NELL1: variants seen among roughly 807,000 people sequenced by gnomAD.
NELL1 encodes the protein neural EGFL like 1, also known as protein kinase C-binding protein NELL1.
NELL1 carries 76 observed loss-of-function variants against 107.4 expected under a neutral mutation model. That is an observed-to-expected ratio of 0.71 (90% CI 0.59 to 0.86). The LOEUF (loss-of-function observed/expected upper bound fraction) is 0.86. Among genes scored for constraint, NELL1 ranks in the 40% least tolerant of loss-of-function variants. The pLI, the probability that NELL1 is intolerant of heterozygous loss-of-function variation, is 0.00. For missense variants in NELL1, 1,024 were observed against 1,005.5 expected (o/e 1.02, Z -0.25); for synonymous variants, 353 against 341.2 (o/e 1.03, Z -0.38).
intron 12 of NELL1, among the ~76,000 whole-genome samples, chr11:21,099,533 C>A (rs2133702409): frequency 6.6e-6 from 1 of 152,232 alleles, no homozygotes; most frequent in Non-Finnish European, 1.5e-5. Context: ...GGCTGGCTAG[C>A]AAAGCCCAGT....
Position 21,113,575 on chromosome 11 carries a change from T to G in NELL1, c.1301-14T>G. ...TTTTGCTAACCATGATCTTACTTAT[T>G]TTTTTTCCTTCAGATATTGATGAGT... is the stretch of plus-strand genomic sequence containing the variant. On this transcript the variant is annotated splice_polypyrimidine_tract_variant and intron_variant, in intron 12 of 19. Transcript: ENST00000357134. The G allele has an allele frequency of 6.2e-7, 1 of 1,607,174 alleles. No homozygotes were observed. Among genetic ancestry groups the G allele is most frequent in the Non-Finnish European group, 8.5e-7 (1 of 1,176,264 alleles).
At chr11:20,864,073 G>A (rs1037666028) in intron 4 of NELL1, among the ~76,000 whole-genome samples, 3 of 152,094 alleles carry the variant, frequency 2.0e-5, no homozygotes, top group African/African-American at 7.2e-5. Flanking sequence ...GCCCAGCCTC[G>A]GCTGGGCATC....
At chr11:21,386,766 C>T (rs947742791) in intron 15 of NELL1, among the ~76,000 whole-genome samples, 2 of 151,876 alleles carry the variant, frequency 1.3e-5, no homozygotes, top group African/African-American at 2.4e-5. Flanking sequence ...AAATTCTATG[C>T]CTTCGCCTTT....
At chr11:21,240,772 G>C (rs993925808) in intron 14 of NELL1, among the ~76,000 whole-genome samples, 12 of 145,536 alleles carry the variant, frequency 8.2e-5, no homozygotes, top group South Asian at 4.4e-4. Flanking sequence ...CTAGTGGGGG[G>C]GGGGAGGGGG....
At chr11:21,012,518 C>G (rs564886559) in intron 12 of NELL1, among the ~76,000 whole-genome samples, 1 of 152,144 alleles carries the variant, frequency 6.6e-6, no homozygotes, top group Admixed American at 6.5e-5. Context: ...ACCTCTTGCC[C>G]ACTGTCCAGA....
chr11:21,253,058 A>G (rs2133912795), intron 14 of NELL1, among the ~76,000 whole-genome samples: 1 of 152,242 alleles, frequency 6.6e-6, no homozygotes, highest in East Asian at 1.9e-4. Flanking sequence ...TCTGTGGTTA[A>G]GGGTTATCAA....
intron 15 of NELL1, among the ~76,000 whole-genome samples, chr11:21,523,224 C>T (rs1033881793): frequency 6.6e-6 from 1 of 152,060 alleles, no homozygotes; most frequent in Admixed American, 6.6e-5. Flanking sequence ...TATCTTTCCC[C>T]ATACTTCTAG....
At chr11:21,406,143 A>AAGAG (rs941662076) in intron 15 of NELL1, among the ~76,000 whole-genome samples, 1 of 151,906 alleles carries the variant, frequency 6.6e-6, no homozygotes, top group South Asian at 2.1e-4. Context: ...AAGACAATGA[A>AAGAG]AGAGAGAGAG....
At chr11:21,556,691 A>AAATTGTGAAAATGTTAATGCAAG (rs1169095833) in intron 16 of NELL1, among the ~76,000 whole-genome samples, 1 of 152,022 alleles carries the variant, frequency 6.6e-6, no homozygotes, top group Non-Finnish European at 1.5e-5. Flanking sequence ...CAGCTTTCAG[A>AAATTGTGAAAATGTTAATGCAAG]AATTGTGAAA....
At chr11:21,159,025 G>A (rs765138363) in intron 13 of NELL1, among the ~76,000 whole-genome samples, 10 of 152,028 alleles carry the variant, frequency 6.6e-5, no homozygotes, top group Non-Finnish European at 4.4e-5. Context: ...TTTTGATCTC[G>A]TGTTTCAGTT....
In NELL1 at chr11:21,419,353, T is replaced by G. The variant is rs112563357; in HGVS notation, c.1645+48405T>G. 5.4e-3 allele frequency among the ~76,000 whole-genome samples: 819 copies of G among 152,256 alleles called. 5 individuals carry two copies. The highest frequency in any genetic ancestry group is 7.3e-3 in the Non-Finnish European group (497 of 68,012). ...AAATTGGAAAAAAAATTCTATCAAC[T>G]GTTTCCTCATCAGTTATTATGGAAA... is the stretch of plus-strand genomic sequence containing the variant. On this transcript the variant is annotated intron_variant, in intron 15 of 19. Transcript: ENST00000357134.
chr11:21,173,913 GATA>G (rs1364869284), intron 13 of NELL1, among the ~76,000 whole-genome samples: 5 of 151,640 alleles, frequency 3.3e-5, no homozygotes, highest in African/African-American at 4.9e-5. Context: ...TGTCCTAAAT[GATA>G]ATAATAATTA....
At chr11:21,198,361 C>G (rs928785997) in intron 13 of NELL1, among the ~76,000 whole-genome samples, 1 of 152,186 alleles carries the variant, frequency 6.6e-6, no homozygotes, top group African/African-American at 2.4e-5. Flanking sequence ...AGTCCAGATT[C>G]AAACGGAGGG....
At chr11:21,565,644 C>A (rs1263861861) in intron 17 of NELL1, among the ~76,000 whole-genome samples, 1 of 151,816 alleles carries the variant, frequency 6.6e-6, no homozygotes, top group African/African-American at 2.4e-5. Flanking sequence ...TTTTCCTATC[C>A]CCTAGCCTCC....
At chr11:20,935,712 G>A (rs1383564321) in intron 9 of NELL1, 1 of 152,266 alleles carries the variant, frequency 6.6e-6, no homozygotes, top group African/African-American at 2.4e-5. Context: ...AGGAAGTTGT[G>A]GTGGTACTGA....
intron 13 of NELL1, among the ~76,000 whole-genome samples, chr11:21,130,983 A>G (rs1251170547): frequency 1.3e-5 from 2 of 152,182 alleles, no homozygotes; most frequent in African/African-American, 4.8e-5. Context: ...TTATCTGAGG[A>G]TATTTTATGA....
At position 20,928,673 on chromosome 11, in the gene NELL1, AT is replaced by A. The variant is rs373603317; in HGVS notation, c.997+205del. On this transcript the variant is annotated intron_variant, in intron 9 of 19. Transcript: ENST00000357134. ...ATGTGGCAGACACTTAACATGGGCT[AT>A]TTTTTTTTTTAAATCCTCACATCAC... 1.4e-3 allele frequency among the ~76,000 whole-genome samples: 206 copies of A among 147,956 alleles called. 1 individual carries two copies. Among genetic ancestry groups the A allele is most frequent in the African/African-American group, 4.2e-3 (172 of 40,544 alleles).
chr11:21,381,481 G>T (rs1223156244), intron 15 of NELL1, among the ~76,000 whole-genome samples: 1 of 151,890 alleles, frequency 6.6e-6, no homozygotes, highest in Non-Finnish European at 1.5e-5. Context: ...GAGATTAAAT[G>T]AGATATTGTA....
At chr11:20,677,111 G>T (rs144079436) in intron 1 of NELL1, among the ~76,000 whole-genome samples, 4 of 152,294 alleles carry the variant, frequency 2.6e-5, no homozygotes, top group African/African-American at 7.2e-5. Flanking sequence ...TCTCTAAAAA[G>T]AGTTATCAGG....
Sources: gnomAD v4.1 joint callset for allele counts (sites outside exome capture counted in the v4.1 genomes callset) on GRCh38, gnomAD v4.1.1 for gene constraint, MANE v1.5 for transcripts, NCBI Gene and HGNC (gene_info 2026-07-23, HGNC 2026-07-21) for gene names.